PCDHGA3: variants seen among roughly 807,000 people sequenced by gnomAD.
PCDHGA3 encodes the protein protocadherin gamma subfamily A, 3, also known as protocadherin gamma-A3.
A neutral mutation model predicts 58.5 loss-of-function variants in PCDHGA3; 40 were observed. The ratio of observed to expected loss-of-function variants is 0.68; its 90% CI spans 0.53 to 0.89. PCDHGA3 has a LOEUF of 0.89. Ranked by LOEUF, PCDHGA3 falls within the 40% of genes least tolerant of loss-of-function variation. The probability of loss-of-function intolerance (pLI) is 0.00; values close to 1 mark genes in which losing one functional copy is unlikely to be tolerated. For synonymous variants in PCDHGA3, 530 were observed against 525.7 expected, an observed-to-expected ratio of 1.01 and a Z score of -0.11; for missense variants, 1,223 against 1,195.9, an observed-to-expected ratio of 1.02 and a Z score of -0.33.
intron 1 of PCDHGA3, among the ~76,000 whole-genome samples, chr5:141,482,843 G>A (rs1005014887): frequency 7.1e-6 from 1 of 140,154 alleles, no homozygotes; most frequent in Non-Finnish European, 1.5e-5. Flanking sequence ...AGGCCAAGGT[G>A]GGCAGATCAC....
At chr5:141,504,842 A>G (rs944461166) in intron 2 of PCDHGA3, among the ~76,000 whole-genome samples, 7 of 151,968 alleles carry the variant, frequency 4.6e-5, no homozygotes, top group African/African-American at 1.7e-4. Context: ...CTAGCTCTGG[A>G]ACATTCTCTT....
chr5:141,414,515 C>T, intron 1 of PCDHGA3: 1 of 1,613,958 alleles, frequency 6.2e-7, no homozygotes, highest in Non-Finnish European at 8.5e-7. Flanking sequence ...CTACAAGTGG[C>T]AGATATCAAT....
In PCDHGA3 at chr5:141,431,140, C is replaced by G. The variant is rs145692116; in HGVS notation, c.2425-63667C>G. The G allele has an allele frequency of 6.2e-7, 1 of 1,614,208 alleles. No individual in the cohort carries two copies. The highest frequency in any genetic ancestry group is 1.7e-5 in the Admixed American group (1 of 60,038). On this transcript the variant is annotated intron_variant, in intron 1 of 3. Transcript: ENST00000253812. This position sits in a 1 kb window ranked among gnomAD's most constrained non-coding sequence, Gnocchi z 4.8. The stretch of plus-strand genomic sequence containing the variant: ...TAGAAGTAGAAGTAAGGGACATTAA[C>G]GACAATGCGCCTTACTTTCGTGAAA...
At chr5:141,441,859 G>T in intron 1 of PCDHGA3, 1 of 348,078 alleles carries the variant, frequency 2.9e-6, no homozygotes. Context: ...GGTGCTGCAC[G>T]CCGCGGAGCC....
chr5:141,352,824 C>T (rs1366479814), intron 1 of PCDHGA3: 2 of 782,824 alleles, frequency 2.6e-6, no homozygotes, highest in Non-Finnish European at 4.0e-6. Context: ...ACCCGGTCTA[C>T]TAAAATTACA....
At chr5:141,438,720 G>A (rs1393152221) in intron 1 of PCDHGA3, among the ~76,000 whole-genome samples, 1 of 147,892 alleles carries the variant, frequency 6.8e-6, no homozygotes, top group Non-Finnish European at 1.5e-5. Flanking sequence ...GAGTGCAAGT[G>A]GTGTGATCTC....
At position 141,476,716 on chromosome 5, in the gene PCDHGA3, C is replaced by G; in HGVS notation, c.2425-18091C>G. The G allele has an allele frequency of 6.2e-7, 1 of 1,614,148 alleles. No individual in the cohort carries two copies. On this transcript the variant is annotated intron_variant, in intron 1 of 3. Transcript: ENST00000253812. The surrounding 1 kb of genome is among the most constrained non-coding windows in gnomAD (Gnocchi z 7.6). The stretch of plus-strand genomic sequence containing the variant: ...AGTACGCGGAGCTGGTGTTGGAGCG[C>G]GCCCTGGACCGAGAACGGGAGCCTA...
At chr5:141,389,582 T>G (rs1266016569) in intron 1 of PCDHGA3, 7 of 1,613,028 alleles carry the variant, frequency 4.3e-6, no homozygotes, top group Non-Finnish European at 5.1e-6. Flanking sequence ...CCGCGCTGGG[T>G]CCCGACGGCT....
At chr5:141,386,135 G>A (rs2090475678) in intron 1 of PCDHGA3, 1 of 152,130 alleles carries the variant, frequency 6.6e-6, no homozygotes, top group African/African-American at 2.4e-5. Context: ...GGGGATACTG[G>A]CTTTGTTTCA....
intron 1 of PCDHGA3, among the ~76,000 whole-genome samples, chr5:141,420,626 C>T (rs1192244062): frequency 6.6e-6 from 1 of 152,152 alleles, no homozygotes; most frequent in Non-Finnish European, 1.5e-5. Flanking sequence ...TTCATTTACT[C>T]AATAAAGGAA....
At chr5:141,374,252 C>T in intron 1 of PCDHGA3, 6 of 1,613,982 alleles carry the variant, frequency 3.7e-6, no homozygotes, top group Non-Finnish European at 5.1e-6. Context: ...ACTGGAGCCC[C>T]AGGAGTTGGC....
intron 1 of PCDHGA3, chr5:141,362,081 G>A: frequency 6.2e-7 from 1 of 1,613,190 alleles, no homozygotes; most frequent in Non-Finnish European, 8.5e-7. Flanking sequence ...GTGCGTGATG[G>A]AGGACAGCCG....
intron 1 of PCDHGA3, chr5:141,416,286 T>C (rs1415036175): frequency 2.0e-5 from 3 of 152,304 alleles, no homozygotes; most frequent in Non-Finnish European, 4.4e-5. Context: ...AATTCTCTAA[T>C]TTCACACTGC....
chr5:141,422,328 TGCTCTTCTAAA>T (rs2096641385), intron 1 of PCDHGA3: 1 of 1,548,384 alleles, frequency 6.5e-7, no homozygotes, highest in Admixed American at 2.1e-5. Flanking sequence ...GTACAGTGAT[TGCTCTTCTAAA>T]TGTGCAAGAT....
rs1281454137 is a variant in PCDHGA3 at position 141,344,191 on chromosome 5, G to T, written c.158G>T (p.Gly53Val). The change falls in exon 1 of 4, where the codon GGG (glycine) becomes GTG (valine). Residue 53 changes from glycine (G) to valine (V), a missense_variant. Physicochemically the swap from Gly to Val is moderately radical, Grantham distance 109 (BLOSUM62 -3). Transcript: ENST00000253812. ...GTGGGCAACATCGCTAACGACCTGGGGCTAGAGCCCCGGGAGCTGGCGGAG... is the reference window on the plus strand; with the variant it reads ...GTGGGCAACATCGCTAACGACCTGGTGCTAGAGCCCCGGGAGCTGGCGGAG... ...SFVGNIANDLGLEPRELAERG... is the reference protein window; with the variant it reads ...SFVGNIANDLVLEPRELAERG... 2 of 1,613,900 alleles carry T rather than the reference G, an allele frequency of 1.2e-6. No individual in the cohort carries two copies. Among genetic ancestry groups the T allele is most frequent in the African/African-American group, 2.7e-5 (2 of 74,932 alleles).
At position 141,429,997 on chromosome 5, in the gene PCDHGA3, G is replaced by A. The variant is rs536289272; in HGVS notation, c.2425-64810G>A. Among the ~76,000 whole-genome samples, 3 of 152,240 alleles carry A rather than the reference G, an allele frequency of 2.0e-5. No homozygotes were observed. The East Asian group carries it at 5.8e-4, about 29-fold the overall frequency. On this transcript the variant is annotated intron_variant, in intron 1 of 3. Transcript: ENST00000253812. ...TCTACTTTATGCTAAAAATATTAAT[G>A]TTTCTTTTTCACTTGGGTTCTTGTT... is the stretch of plus-strand genomic sequence containing the variant.
chr5:141,410,435 G>A (rs772158163), intron 1 of PCDHGA3: 1 of 1,614,054 alleles, frequency 6.2e-7, no homozygotes, highest in Non-Finnish European at 8.5e-7. Context: ...CAACTACAGT[G>A]AGGGGACTTT....
chr5:141,408,669 C>T lies in PCDHGA3; in HGVS notation c.2424+62212C>T, dbSNP rs2095146839. ...GCTGGTACACGACTATCGCTTGACCCTGCCACGGATCCTGATATAAACATA... is the reference window on the plus strand; with the variant it reads ...GCTGGTACACGACTATCGCTTGACCTTGCCACGGATCCTGATATAAACATA... On this transcript the variant is annotated intron_variant, in intron 1 of 3. Transcript: ENST00000253812. The T allele has an allele frequency of 2.5e-6, 4 of 1,613,988 alleles. No homozygotes were observed. Among genetic ancestry groups the T allele is most frequent in the South Asian group, 2.2e-5 (2 of 91,078 alleles).
intron 1 of PCDHGA3, chr5:141,418,394 T>C: frequency 6.2e-7 from 1 of 1,614,020 alleles, no homozygotes; most frequent in Non-Finnish European, 8.5e-7. Flanking sequence ...CGAGTATTTC[T>C]CATTGGTGGA....
Sources: gnomAD v4.1 joint callset for allele counts (sites outside exome capture counted in the v4.1 genomes callset) on GRCh38, gnomAD v4.1.1 for gene constraint, Gnocchi (gnomAD v3.1) non-coding constraint, MANE v1.5 for transcripts, NCBI Gene and HGNC (gene_info 2026-07-23, HGNC 2026-07-21) for gene names.